Variants in RUNX3 observed in about 807,000 individuals in gnomAD.
The protein encoded by RUNX3 is runt-related transcription factor 3.
In RUNX3, 10 loss-of-function variants were observed where a neutral mutation model predicts 27.7. The observed-to-expected ratio is 0.36, with a 90% confidence interval of 0.22 to 0.61. The LOEUF is 0.61. Ranked by LOEUF, RUNX3 falls within the 20% of genes least tolerant of loss-of-function variation. The pLI is 0.72. For synonymous variants in RUNX3, 270 were observed against 269.2 expected (o/e 1.00, Z -0.03); for missense variants, 469 against 629.5 (o/e 0.75, Z 2.73).
intron 2 of RUNX3, among the ~76,000 whole-genome samples, chr1:24,950,816 C>G (rs1161027172): frequency 2.6e-5 from 4 of 152,162 alleles, no homozygotes; most frequent in Non-Finnish European, 5.9e-5. Flanking sequence ...CTGGATCAGG[C>G]AGACCTGTAG....
chr1:24,933,712 C>G (rs1641283960), upstream of RUNX3, among the ~76,000 whole-genome samples: 1 of 152,348 alleles, frequency 6.6e-6, no homozygotes, highest in Admixed American at 6.5e-5. Context: ...CAGAACCTCA[C>G]TTTCGCCCCC....
chr1:24,964,836 C>G (rs1175398078), exon 1 of RUNX3: 1 of 853,438 alleles, frequency 1.2e-6, no homozygotes, highest in African/African-American at 1.7e-5. Flanking sequence ...CTGTTTGTAC[C>G]CAAGAATTTG....
rs369771099 is a variant in RUNX3 at position 24,929,578 on chromosome 1, C to T, written c.282+9G>A. 7.5e-6 allele frequency: 12 copies of T among 1,601,650 alleles called. No homozygotes were observed. Among genetic ancestry groups the T allele is most frequent in the South Asian group, 1.1e-5 (1 of 90,118 alleles). On this transcript the variant is annotated intron_variant, in intron 1 of 4. Coordinates refer to ENST00000308873, the MANE Select transcript of RUNX3 (RefSeq NM_004350.3). ...GCCGGCGCCCTCCCGCCCCGGGTCC[C>T]GCACTCACCTTGAAGGCGACGGGCA...
Position 24,943,234 on chromosome 1 carries a change from G to A in RUNX3, c.59-13382C>T, listed in dbSNP as rs1320917660. Among the ~76,000 whole-genome samples the A allele has an allele frequency of 6.6e-6, 1 of 152,250 alleles. No individual in the cohort carries two copies. The highest frequency in any genetic ancestry group is 2.4e-5 in the African/African-American group (1 of 41,466). Reference sequence around the variant, plus strand: ...GGCATGCCACCCAGCACGTGGGGGAGGCCAGGGCTTTGGGAGCATGCTGGC... The same window carrying A: ...GGCATGCCACCCAGCACGTGGGGGAAGCCAGGGCTTTGGGAGCATGCTGGC... On this transcript the variant is annotated intron_variant, in intron 2 of 6. Transcript: ENST00000338888. The surrounding 1 kb of genome is among the most constrained non-coding windows in gnomAD (Gnocchi z 4.6).
intron 4 of RUNX3, among the ~76,000 whole-genome samples, chr1:24,905,173 G>T (rs1332929120): frequency 3.9e-5 from 6 of 152,182 alleles, no homozygotes; most frequent in Non-Finnish European, 8.8e-5. Context: ...TCCCCAGGAG[G>T]GAGTCCGAGG....
At chr1:24,946,284 A>G (rs1046382497) in intron 2 of RUNX3, among the ~76,000 whole-genome samples, 1 of 152,198 alleles carries the variant, frequency 6.6e-6, no homozygotes, top group African/African-American at 2.4e-5. Context: ...AAAACCATCC[A>G]TAATCCTGCC....
At chr1:24,936,298 A>G (rs1489626569) in intron 2 of RUNX3, among the ~76,000 whole-genome samples, 3 of 152,206 alleles carry the variant, frequency 2.0e-5, no homozygotes. Context: ...ACTGAGGCTT[A>G]GAGAGCTCAA....
In RUNX3 at chr1:24,962,896, A is replaced by G. The variant is rs1254582614; in HGVS notation, c.58+1618T>C. ...TTTGTTTTAAACCCTACATTTCTCC[A>G]TCTTGCGCACGGAAGGAGAAATACA... On this transcript the variant is annotated intron_variant, in intron 2 of 6. Transcript: ENST00000338888. This position sits in a 1 kb window ranked among gnomAD's most constrained non-coding sequence, Gnocchi z 4.5. 1.3e-5 allele frequency: 2 copies of G among 152,268 alleles called. No individual in the cohort carries two copies. Among genetic ancestry groups the G allele is most frequent in the African/African-American group, 2.4e-5 (1 of 41,546 alleles). 9.4% of individuals were successfully genotyped at this position (152,268 alleles called of 1,614,324 possible).
chr1:24,933,674 C>A (rs188885399), upstream of RUNX3, among the ~76,000 whole-genome samples: 1 of 152,186 alleles, frequency 6.6e-6, no homozygotes, highest in African/African-American at 2.4e-5. Context: ...AGCTGGGTCT[C>A]GATGATTGCC....
In RUNX3 at chr1:24,927,339, A is replaced by G. The variant is rs1243813274; in HGVS notation, c.439+235T>C. 2.0e-5 allele frequency among the ~76,000 whole-genome samples: 3 copies of G among 152,174 alleles called. No individual in the cohort carries two copies. The highest frequency in any genetic ancestry group is 4.4e-5 in the Non-Finnish European group (3 of 68,016). ...AGGGGGTGGCATGAACGGTTTCAGG[A>G]GTTGGTAAACCCTAGAAACTGGGAG... On this transcript the variant is annotated intron_variant, in intron 2 of 4. Transcript: ENST00000308873. The surrounding 1 kb of genome is among the most constrained non-coding windows in gnomAD (Gnocchi z 5.0).
At chr1:24,929,123 G>T (rs1376048354) in intron 1 of RUNX3, 1 of 461,396 alleles carries the variant, frequency 2.2e-6, no homozygotes, top group Non-Finnish European at 4.3e-6. Context: ...TAAAATTTCG[G>T]AAGCCCGAGG....
At chr1:24,960,253 A>G (rs1421738015) in intron 2 of RUNX3, among the ~76,000 whole-genome samples, 4 of 152,234 alleles carry the variant, frequency 2.6e-5, no homozygotes. Context: ...ATCAAATGGA[A>G]AATGCTTATT....
chr1:24,923,335 A>G lies in RUNX3; in HGVS notation c.440-3991T>C, dbSNP rs2124292865. ...GGGGTGGGAGAAAGCTGTCTCCCTGAGTGCCCCTCAGCTACCCCGGCCCTG... is the reference window on the plus strand; with the variant it reads ...GGGGTGGGAGAAAGCTGTCTCCCTGGGTGCCCCTCAGCTACCCCGGCCCTG... On this transcript the variant is annotated intron_variant, in intron 2 of 4. Coordinates refer to ENST00000308873, the MANE Select transcript of RUNX3 (RefSeq NM_004350.3). The surrounding 1 kb of genome is among the most constrained non-coding windows in gnomAD (Gnocchi z 5.9). Among the ~76,000 whole-genome samples the G allele has an allele frequency of 6.6e-6, 1 of 152,158 alleles. No individual in the cohort carries two copies. Among genetic ancestry groups the G allele is most frequent in the South Asian group, 2.1e-4 (1 of 4,822 alleles).
upstream of RUNX3, among the ~76,000 whole-genome samples, chr1:24,934,244 G>A (rs1244814970): frequency 1.3e-5 from 2 of 152,230 alleles, no homozygotes; most frequent in Non-Finnish European, 2.9e-5. Context: ...GGGTTGAGGG[G>A]TTGTCTCCTG....
upstream of RUNX3, among the ~76,000 whole-genome samples, chr1:24,932,307 T>A (rs910765797): frequency 9.1e-6 from 1 of 110,206 alleles, no homozygotes; most frequent in Non-Finnish European, 1.7e-5. Flanking sequence ...GGGCACCAGA[T>A]CCAAGGGACC....
rs186648250 is a variant in RUNX3, at chr1:24,948,949, C to A, written c.58+15565G>T. ...ATTAATCGAACCCACCTCCCTGCCT[C>A]CTGCTGCTTGCCCCTGTGATACAAA... On this transcript the variant is annotated intron_variant, in intron 2 of 6. Transcript: ENST00000338888. Among the ~76,000 whole-genome samples, 343 of 152,090 alleles carry A rather than the reference C, an allele frequency of 2.3e-3. 2 individuals carry two copies. The highest frequency in any genetic ancestry group is 4.2e-3 in the Non-Finnish European group (288 of 67,986).
At chr1:24,952,638 A>G (rs1641795179) in intron 2 of RUNX3, among the ~76,000 whole-genome samples, 2 of 152,224 alleles carry the variant, frequency 1.3e-5, no homozygotes, top group Admixed American at 6.5e-5. Flanking sequence ...CCACCTCTAC[A>G]GAAATCATCT....
intron 2 of RUNX3, among the ~76,000 whole-genome samples, chr1:24,944,311 C>T (rs374260592): frequency 1.3e-5 from 2 of 152,170 alleles, no homozygotes; most frequent in African/African-American, 4.8e-5. Flanking sequence ...ATCATACTCC[C>T]ACCACAGGGC....
intron 2 of RUNX3, among the ~76,000 whole-genome samples, chr1:24,955,465 G>A (rs1302359621): frequency 6.6e-6 from 1 of 152,204 alleles, no homozygotes; most frequent in Non-Finnish European, 1.5e-5. Context: ...GTGATGCCCA[G>A]CACACGGAGC....
Sources: allele counts gnomAD v4.1 joint callset (sites outside exome capture counted in the v4.1 genomes callset), GRCh38; gene constraint gnomAD v4.1.1; non-coding constraint Gnocchi (gnomAD v3.1); transcripts MANE v1.5; gene names NCBI Gene and HGNC (gene_info 2026-07-23, HGNC 2026-07-21).